Variants in UCK2 observed in about 807,000 individuals in gnomAD.
UCK2 encodes the protein uridine-cytidine kinase 2, also known as cytidine monophosphokinase 2.
UCK2 carries 6 observed loss-of-function variants against 30.8 expected under a neutral mutation model. The observed-to-expected ratio is 0.19, with a 90% confidence interval of 0.11 to 0.38. The LOEUF (loss-of-function observed/expected upper bound fraction) is 0.38, where lower values mean the gene tolerates loss of function less well. Ranked by LOEUF, UCK2 falls within the 10% of genes least tolerant of loss-of-function variation. The probability of loss-of-function intolerance (pLI) is 1.00; values close to 1 mark genes in which losing one functional copy is unlikely to be tolerated. For synonymous variants in UCK2, 125 were observed against 133.6 expected, an observed-to-expected ratio of 0.94 and a Z score of 0.45; for missense variants, 210 against 339.8, an observed-to-expected ratio of 0.62 and a Z score of 3.00.
chr1:165,829,895 C>T lies in UCK2; in HGVS notation c.99+1963C>T, dbSNP rs1476561138. 3.9e-5 allele frequency among the ~76,000 whole-genome samples: 6 copies of T among 152,348 alleles called. No individual in the cohort carries two copies. In the East Asian group the frequency reaches 7.7e-4, roughly 20 times the overall value. Reference sequence around the variant, plus strand: ...TTTGAGACAAGGTCTCGCATTTCCACCTAGCCCAGAGTAAGTGGCACTGTC... The same window carrying T: ...TTTGAGACAAGGTCTCGCATTTCCATCTAGCCCAGAGTAAGTGGCACTGTC... On this transcript the variant is annotated intron_variant, in intron 1 of 6. Coordinates refer to ENST00000367879, the MANE Select transcript of UCK2 (RefSeq NM_012474.5).
intron 1 of UCK2, among the ~76,000 whole-genome samples, chr1:165,858,369 G>C (rs925913644): frequency 6.6e-6 from 1 of 152,070 alleles, no homozygotes; most frequent in Non-Finnish European, 1.5e-5. Flanking sequence ...TGTGTAGGTG[G>C]GTCTGTCACT....
chr1:165,854,598 AAAATAAAT>A (rs10571444), intron 1 of UCK2, among the ~76,000 whole-genome samples: 4,263 of 143,652 alleles, frequency 0.03, 75 homozygotes, highest in Middle Eastern at 0.062. Flanking sequence ...TCCTTTTTTA[AAAATAAAT>A]AAATAAATAA....
At position 165,911,354 on chromosome 1, in the gene UCK2, GTC is replaced by G. The variant is rs1218248630; in HGVS notation, c.*3535_*3536del. ...AGAGCTCAGTCCCCTTTAATCTTTT[GTC>G]TCTGGGCGTTCTGCTGCCTTCCTCA... is the stretch of plus-strand genomic sequence containing the variant. On this transcript the variant is annotated 3_prime_UTR_variant, in exon 7 of 7. Coordinates refer to ENST00000367879, the MANE Select transcript of UCK2 (RefSeq NM_012474.5). 6.6e-6 allele frequency: 1 copy of G among 152,208 alleles called. No homozygotes were observed. The highest frequency in any genetic ancestry group is 2.4e-5 in the African/African-American group (1 of 41,434). 9.4% of individuals were successfully genotyped at this position (152,208 alleles called of 1,614,324 possible). A position where few individuals can be genotyped will look rare whatever the true frequency, so the allele number is the denominator to read the frequency against.
intron 1 of UCK2, among the ~76,000 whole-genome samples, chr1:165,889,239 G>A (rs1655701652): frequency 6.6e-6 from 1 of 152,236 alleles, no homozygotes. Flanking sequence ...GTGGACTGGA[G>A]CAAAAGTAAC....
chr1:165,855,572 A>T (rs1654724529), intron 1 of UCK2, among the ~76,000 whole-genome samples: 1 of 147,042 alleles, frequency 6.8e-6, no homozygotes, highest in South Asian at 2.1e-4. Context: ...CCCACATAAC[A>T]TCTCAGCCAG....
At chr1:165,865,438 C>T (rs1172525734) in intron 1 of UCK2, among the ~76,000 whole-genome samples, 1 of 152,146 alleles carries the variant, frequency 6.6e-6, no homozygotes, top group East Asian at 1.9e-4. Context: ...GCAGCAAGAT[C>T]TGCGGTGGCA....
chr1:165,903,906 G>C (rs1393110510), intron 5 of UCK2: 3 of 152,926 alleles, frequency 2.0e-5, no homozygotes, highest in Non-Finnish European at 2.9e-5. Flanking sequence ...AGGAAAGACA[G>C]GAAGGGGCAT....
At chr1:165,851,824 C>T (rs1480968746) in intron 1 of UCK2, among the ~76,000 whole-genome samples, 3 of 152,100 alleles carry the variant, frequency 2.0e-5, no homozygotes, top group Non-Finnish European at 2.9e-5. Context: ...CTTGCACTTA[C>T]GAGTGAGAAT....
At chr1:165,850,528 C>T (rs1045570396) in intron 1 of UCK2, among the ~76,000 whole-genome samples, 1 of 152,156 alleles carries the variant, frequency 6.6e-6, no homozygotes, top group Admixed American at 6.5e-5. Context: ...CAGCCTTGAA[C>T]TCCTGGGCTG....
intron 1 of UCK2, among the ~76,000 whole-genome samples, chr1:165,845,455 G>C (rs1411987571): frequency 1.3e-5 from 2 of 152,120 alleles, no homozygotes; most frequent in African/African-American, 2.4e-5. Context: ...CCTCTCTTGG[G>C]AAACAGACTT....
intron 1 of UCK2, among the ~76,000 whole-genome samples, chr1:165,859,408 C>T (rs568387307): frequency 1.3e-5 from 2 of 152,314 alleles, no homozygotes; most frequent in Admixed American, 6.5e-5. Context: ...TAACTGAACC[C>T]CTTAACTGAA....
chr1:165,860,533 C>G (rs1325558021), intron 1 of UCK2, among the ~76,000 whole-genome samples: 1 of 152,082 alleles, frequency 6.6e-6, no homozygotes, highest in Non-Finnish European at 1.5e-5. Context: ...ACTGCAGCTT[C>G]GACCTCCCAG....
intron 1 of UCK2, among the ~76,000 whole-genome samples, chr1:165,871,384 G>A (rs1655193157): frequency 6.6e-6 from 1 of 152,186 alleles, no homozygotes; most frequent in African/African-American, 2.4e-5. Flanking sequence ...CCCTTAGCAT[G>A]TGTGCAGCTG....
chr1:165,851,701 G>C (rs898040500), intron 1 of UCK2, among the ~76,000 whole-genome samples: 1 of 152,030 alleles, frequency 6.6e-6, no homozygotes, highest in South Asian at 2.1e-4. Flanking sequence ...CGTGTGCCAT[G>C]GTGGTTTGCT....
chr1:165,840,661 C>G (rs1439606996), intron 1 of UCK2, among the ~76,000 whole-genome samples: 3 of 152,168 alleles, frequency 2.0e-5, no homozygotes, highest in African/African-American at 7.2e-5. Context: ...AGACCCATAG[C>G]TAGTCAGATA....
chr1:165,841,977 G>A (rs1654342286), intron 1 of UCK2, among the ~76,000 whole-genome samples: 1 of 152,198 alleles, frequency 6.6e-6, no homozygotes, highest in Admixed American at 6.5e-5. Flanking sequence ...TGTCGCAGGT[G>A]GAGAGGAGTC....
At chr1:165,862,287 A>C (rs1654933599) in intron 1 of UCK2, among the ~76,000 whole-genome samples, 1 of 152,148 alleles carries the variant, frequency 6.6e-6, no homozygotes, top group Non-Finnish European at 1.5e-5. Context: ...ATTCTAAACA[A>C]GTGAAGAGCA....
intron 1 of UCK2, among the ~76,000 whole-genome samples, chr1:165,860,844 A>G (rs1257151797): frequency 6.6e-6 from 1 of 152,152 alleles, no homozygotes; most frequent in Non-Finnish European, 1.5e-5. Flanking sequence ...GTCAACTCCA[A>G]GAGAGTAGGA....
chr1:165,863,734 C>T (rs1465702845), intron 1 of UCK2, among the ~76,000 whole-genome samples: 1 of 152,142 alleles, frequency 6.6e-6, no homozygotes, highest in African/African-American at 2.4e-5. Context: ...CTGAAATAAC[C>T]TCTAGCAGGG....
Sources: gnomAD v4.1 joint callset for allele counts (sites outside exome capture counted in the v4.1 genomes callset) on GRCh38, gnomAD v4.1.1 for gene constraint, MANE v1.5 for transcripts, NCBI Gene and HGNC (gene_info 2026-07-23, HGNC 2026-07-21) for gene names.